Variants in CNTNAP2 observed in about 807,000 individuals in gnomAD.
The protein encoded by CNTNAP2 is contactin-associated protein-like 2.
CNTNAP2 carries 98 observed loss-of-function variants against 155.2 expected under a neutral mutation model. The observed-to-expected ratio is 0.63, with a 90% confidence interval of 0.54 to 0.75. CNTNAP2 has a LOEUF of 0.75. CNTNAP2 is among the 30% of genes least tolerant of loss of function. CNTNAP2 has a pLI of 0.00. For missense variants in CNTNAP2, 1,727 were observed against 1,688.1 expected, an observed-to-expected ratio of 1.02 and a Z score of -0.40; for synonymous variants, 651 against 631.2, an observed-to-expected ratio of 1.03 and a Z score of -0.47.
At chr7:146,765,640 A>G (rs1419995455) in intron 1 of CNTNAP2, among the ~76,000 whole-genome samples, 2 of 152,194 alleles carry the variant, frequency 1.3e-5, no homozygotes, top group African/African-American at 2.4e-5. Context: ...TCCATTCAAC[A>G]AGAAAAGTAA....
At chr7:146,740,037 G>A (rs1297599018) in intron 1 of CNTNAP2, among the ~76,000 whole-genome samples, 2 of 151,880 alleles carry the variant, frequency 1.3e-5, no homozygotes, top group African/African-American at 4.8e-5. Flanking sequence ...TATTTTTACA[G>A]GCAAAGTGAG....
chr7:147,995,167 C>A (rs763713532), intron 15 of CNTNAP2, among the ~76,000 whole-genome samples: 4 of 152,160 alleles, frequency 2.6e-5, no homozygotes, highest in Non-Finnish European at 5.9e-5. Flanking sequence ...ACAAAGGCAG[C>A]CCCTACCAGG....
At chr7:146,321,302 TAAAAC>T (rs1418978232) in intron 1 of CNTNAP2, among the ~76,000 whole-genome samples, 3 of 151,162 alleles carry the variant, frequency 2.0e-5, no homozygotes, top group Admixed American at 1.3e-4. Flanking sequence ...ATGAAAGAAT[TAAAAC>T]GAGAAGTTTT....
chr7:146,931,519 T>G (rs1198041221), intron 3 of CNTNAP2, among the ~76,000 whole-genome samples: 4 of 150,170 alleles, frequency 2.7e-5, no homozygotes, highest in Admixed American at 2.6e-4. Context: ...ACATCACAGT[T>G]AAAAGAACTA....
chr7:147,239,718 C>T (rs1263157867), intron 8 of CNTNAP2, among the ~76,000 whole-genome samples: 2 of 152,036 alleles, frequency 1.3e-5, no homozygotes, highest in Non-Finnish European at 2.9e-5. Context: ...CAGAACAAAA[C>T]ACATTGTAAA....
At chr7:147,721,340 T>C (rs892576264) in intron 13 of CNTNAP2, among the ~76,000 whole-genome samples, 2 of 152,116 alleles carry the variant, frequency 1.3e-5, no homozygotes, top group Non-Finnish European at 2.9e-5. Context: ...TCAGAATATA[T>C]ATGTTATGGG....
chr7:146,295,562 A>G (rs1469030781), intron 1 of CNTNAP2, among the ~76,000 whole-genome samples: 3 of 152,164 alleles, frequency 2.0e-5, no homozygotes, highest in Non-Finnish European at 4.4e-5. Context: ...AATACATATT[A>G]TACCCCCATT....
chr7:147,610,693 C>A (rs965527740), intron 12 of CNTNAP2, among the ~76,000 whole-genome samples: 2 of 152,114 alleles, frequency 1.3e-5, no homozygotes, highest in African/African-American at 4.8e-5. Flanking sequence ...TCAGAGGAAA[C>A]AGCCCAGGCA....
chr7:147,987,208 C>G (rs1801633984), intron 15 of CNTNAP2, among the ~76,000 whole-genome samples: 1 of 152,178 alleles, frequency 6.6e-6, no homozygotes, highest in African/African-American at 2.4e-5. Context: ...AGATGGAAGC[C>G]TTCCCTTTTA....
At chr7:147,913,531 T>A (rs569708748) in intron 14 of CNTNAP2, among the ~76,000 whole-genome samples, 5 of 152,210 alleles carry the variant, frequency 3.3e-5, no homozygotes, top group Admixed American at 3.3e-4. Context: ...GGCAGTTCAA[T>A]GAAGGAAAGA....
chr7:146,298,428 C>T (rs966399028), intron 1 of CNTNAP2, among the ~76,000 whole-genome samples: 3 of 152,012 alleles, frequency 2.0e-5, no homozygotes, highest in African/African-American at 7.2e-5. Context: ...TTAATAACTG[C>T]CCACCCCCTG....
chr7:148,415,296 T>C (rs1799955113), intron 23 of CNTNAP2, 121 bp from the exon 24 acceptor site: 1 of 997,040 alleles, frequency 1.0e-6, no homozygotes, highest in Admixed American at 2.0e-5. Context: ...CTTTGTTGTT[T>C]TGGAGGTTGT....
At chr7:148,332,290 C>T (rs1479465778) in intron 21 of CNTNAP2, among the ~76,000 whole-genome samples, 2 of 151,934 alleles carry the variant, frequency 1.3e-5, no homozygotes, top group Non-Finnish European at 2.9e-5. Context: ...GCCATGTATG[C>T]TTTATTTGCT....
intron 1 of CNTNAP2, among the ~76,000 whole-genome samples, chr7:146,670,742 C>A (rs561276357): frequency 6.6e-6 from 1 of 152,250 alleles, no homozygotes; most frequent in South Asian, 2.1e-4. Context: ...CCAGAGGGAG[C>A]AGTCCATCTT....
At chr7:147,698,756 G>A (rs926780106) in intron 13 of CNTNAP2, among the ~76,000 whole-genome samples, 2 of 152,120 alleles carry the variant, frequency 1.3e-5, no homozygotes, top group Non-Finnish European at 2.9e-5. Context: ...CAGATATGGG[G>A]TTTTGCCATG....
chr7:147,750,821 G>A (rs1328881592), intron 13 of CNTNAP2, among the ~76,000 whole-genome samples: 1 of 152,072 alleles, frequency 6.6e-6, no homozygotes, highest in African/African-American at 2.4e-5. Context: ...GGTAGATCAC[G>A]AGGTCAGGAG....
chr7:147,427,680 A>G (rs1392644968), intron 10 of CNTNAP2, among the ~76,000 whole-genome samples: 2 of 152,320 alleles, frequency 1.3e-5, no homozygotes, highest in East Asian at 3.9e-4. Flanking sequence ...AATGAAGTAC[A>G]TGAAGAGAAG....
chr7:148,341,828 A>G (rs778122713), intron 21 of CNTNAP2, among the ~76,000 whole-genome samples: 16 of 152,214 alleles, frequency 1.1e-4, no homozygotes, highest in Non-Finnish European at 1.8e-4. Context: ...CCAATAAGCA[A>G]TGACTTCCCA....
chr7:146,356,680 T>A (rs1326610147), intron 1 of CNTNAP2, among the ~76,000 whole-genome samples: 2 of 152,232 alleles, frequency 1.3e-5, no homozygotes, highest in Admixed American at 6.5e-5. Flanking sequence ...TGTTATTCAA[T>A]TCATCCTAAC....
Sources: gnomAD v4.1 joint callset for allele counts (sites outside exome capture counted in the v4.1 genomes callset) on GRCh38, gnomAD v4.1.1 for gene constraint, MANE v1.5 for transcripts, NCBI Gene and HGNC (gene_info 2026-07-23, HGNC 2026-07-21) for gene names.